Variants in ASTN2 observed in about 807,000 individuals in gnomAD.
ASTN2 encodes the protein astrotactin-2.
Under a neutral mutation model 139.8 loss-of-function variants are expected in ASTN2, and 54 were observed. The ratio of observed to expected loss-of-function variants is 0.39; its 90% CI spans 0.31 to 0.48. ASTN2 has a LOEUF of 0.48. Among genes scored for constraint, ASTN2 ranks in the 20% least tolerant of loss-of-function variants. ASTN2 has a pLI of 0.95. For synonymous variants in ASTN2, 756 were observed against 719.5 expected, an observed-to-expected ratio of 1.05 and a Z score of -0.81; for missense variants, 1,565 against 1,725.1, an observed-to-expected ratio of 0.91 and a Z score of 1.64.
At chr9:117,057,295 C>A (rs1011439956) in intron 5 of ASTN2, among the ~76,000 whole-genome samples, 1 of 152,122 alleles carries the variant, frequency 6.6e-6, no homozygotes, top group African/African-American at 2.4e-5. Flanking sequence ...ACTCTCAGCT[C>A]CTTGCGCTGA....
rs1330762182 is a variant in ASTN2 at position 116,651,615 on chromosome 9, C to T, written c.2985G>A (p.Lys995=). 2 of 1,614,156 alleles carry T rather than the reference C, an allele frequency of 1.2e-6. No individual in the cohort carries two copies. The highest frequency in any genetic ancestry group is 1.1e-5 in the South Asian group (1 of 91,076). ...STCHLCRRPG[K]EQLSPTPVLL... is the part of the protein sequence containing the mutation. ...GCACTGGTGTGGGGCTCAGCTGCTC[C>T]TTGCCTGGCCGGCGGCAAAGGTGAC... Residue 995 remains lysine (K), a synonymous_variant, in exon 17 of 23, where the codon AAG becomes AAA. Coordinates refer to ENST00000313400, the MANE Select transcript of ASTN2 (RefSeq NM_001365068.1).
chr9:116,578,667 T>TGTGTGTGTGTGTG (rs1853827351), intron 19 of ASTN2, among the ~76,000 whole-genome samples: 2 of 140,750 alleles, frequency 1.4e-5, no homozygotes, highest in Admixed American at 7.4e-5. Flanking sequence ...TGTGTGTGTG[T>TGTGTGTGTGTGTG]TTCTACTGTA....
chr9:116,791,049 A>AAAAGG (rs1564269281), intron 13 of ASTN2, among the ~76,000 whole-genome samples: 1 of 149,312 alleles, frequency 6.7e-6, no homozygotes, highest in African/African-American at 2.5e-5. Context: ...GAAAGAAAAG[A>AAAAGG]AAAGAAAGAA....
chr9:116,846,630 C>T (rs980666064), intron 11 of ASTN2, among the ~76,000 whole-genome samples: 2 of 152,166 alleles, frequency 1.3e-5, no homozygotes, highest in African/African-American at 4.8e-5. Context: ...AGGAGTCCCA[C>T]GTAATTAGGG....
chr9:117,216,748 G>T (rs1373368577), intron 2 of ASTN2, among the ~76,000 whole-genome samples: 4 of 152,106 alleles, frequency 2.6e-5, no homozygotes, highest in Non-Finnish European at 4.4e-5. Flanking sequence ...AAAAGAAGGA[G>T]AGGGAGGGAG....
At chr9:116,697,032 C>T (rs1860895918) in intron 16 of ASTN2, among the ~76,000 whole-genome samples, 1 of 150,174 alleles carries the variant, frequency 6.7e-6, no homozygotes, top group Non-Finnish European at 1.5e-5. Flanking sequence ...TCCTTCATTT[C>T]TTTCAAGACA....
At chr9:116,532,235 G>A (rs927672805) in intron 19 of ASTN2, among the ~76,000 whole-genome samples, 1 of 152,124 alleles carries the variant, frequency 6.6e-6, no homozygotes, top group Non-Finnish European at 1.5e-5. Flanking sequence ...AAATTTGTTT[G>A]AGTTCTTTGT....
intron 19 of ASTN2, among the ~76,000 whole-genome samples, chr9:116,560,690 T>A (rs759842680): frequency 6.6e-6 from 1 of 152,212 alleles, no homozygotes; most frequent in Non-Finnish European, 1.5e-5. Flanking sequence ...GTCAGAGCTA[T>A]GCCATATCCT....
chr9:117,363,284 G>T (rs148541382), intron 1 of ASTN2, among the ~76,000 whole-genome samples: 23 of 152,308 alleles, frequency 1.5e-4, no homozygotes, highest in Non-Finnish European at 5.9e-5. Flanking sequence ...TCTGAGGGGA[G>T]TGTGTAGTGA....
At chr9:117,298,505 C>A (rs1587924349) in intron 1 of ASTN2, among the ~76,000 whole-genome samples, 1 of 152,004 alleles carries the variant, frequency 6.6e-6, no homozygotes, top group Non-Finnish European at 1.5e-5. Context: ...ACCTGCCTCA[C>A]AGGGTCGTTT....
intron 10 of ASTN2, among the ~76,000 whole-genome samples, chr9:116,901,512 G>A (rs7030357): frequency 0.38 from 58,013 of 152,022 alleles, 13,208 homozygotes; most frequent in Non-Finnish European, 0.51. Flanking sequence ...ATGACATTGC[G>A]ACAGTCTGCA....
chr9:116,895,491 A>G (rs971701260), intron 10 of ASTN2, among the ~76,000 whole-genome samples: 1 of 152,198 alleles, frequency 6.6e-6, no homozygotes, highest in East Asian at 1.9e-4. Flanking sequence ...AGAGGGTGGA[A>G]GTGGAAGCGG....
At chr9:117,065,513 A>C (rs1827909535) in intron 5 of ASTN2, among the ~76,000 whole-genome samples, 1 of 152,148 alleles carries the variant, frequency 6.6e-6, no homozygotes, top group South Asian at 2.1e-4. Flanking sequence ...AGTTCATTTC[A>C]GCATCTGTAA....
At chr9:117,249,930 CCTCTCTCCCTTT>C (rs1833491499) in intron 2 of ASTN2, among the ~76,000 whole-genome samples, 1 of 152,104 alleles carries the variant, frequency 6.6e-6, no homozygotes, top group African/African-American at 2.4e-5. Context: ...CTACTCATCT[CCTCTCTCCCTTT>C]CTTTAGAAAC....
At chr9:117,382,164 C>A (rs1830290183) in intron 1 of ASTN2, among the ~76,000 whole-genome samples, 1 of 152,032 alleles carries the variant, frequency 6.6e-6, no homozygotes, top group South Asian at 2.1e-4. Context: ...TGGAGGGAGT[C>A]AAGAAAGTGT....
At chr9:116,444,403 TA>T (rs1321661149) in intron 20 of ASTN2, among the ~76,000 whole-genome samples, 2 of 152,330 alleles carry the variant, frequency 1.3e-5, no homozygotes, top group East Asian at 3.9e-4. Flanking sequence ...TTTCAGAAGA[TA>T]AAACTGAAGA....
chr9:117,307,088 AC>A (rs1835019701), intron 1 of ASTN2, among the ~76,000 whole-genome samples: 1 of 152,188 alleles, frequency 6.6e-6, no homozygotes, highest in Admixed American at 6.5e-5. Context: ...TGTTTATACA[AC>A]CTAAAAACCC....
chr9:117,230,193 A>G, intron 2 of ASTN2, among the ~76,000 whole-genome samples: 1 of 151,432 alleles, frequency 6.6e-6, no homozygotes, highest in East Asian at 1.9e-4. Flanking sequence ...CTGAAAAAAA[A>G]AAAATCACCC....
intron 20 of ASTN2, among the ~76,000 whole-genome samples, chr9:116,460,763 C>T (rs994870674): frequency 2.0e-5 from 3 of 152,080 alleles, no homozygotes; most frequent in Non-Finnish European, 4.4e-5. Context: ...AGGCTTGTGA[C>T]ACTGGGTGAG....
Sources: allele counts gnomAD v4.1 joint callset (sites outside exome capture counted in the v4.1 genomes callset), GRCh38; gene constraint gnomAD v4.1.1; transcripts MANE v1.5; gene names NCBI Gene and HGNC (gene_info 2026-07-23, HGNC 2026-07-21).